Variants in FUT8 observed in about 807,000 individuals in gnomAD.
FUT8 encodes the protein alpha-(1,6)-fucosyltransferase.
Under a neutral mutation model 71.3 loss-of-function variants are expected in FUT8, and 29 were observed. That is an observed-to-expected ratio of 0.41 (90% CI 0.30 to 0.55). FUT8 has a LOEUF of 0.55. Ranked by LOEUF, FUT8 falls within the 20% of genes least tolerant of loss-of-function variation. FUT8 has a pLI of 0.34. For missense variants in FUT8, 544 were observed against 702.1 expected (o/e 0.77, Z 2.55); for synonymous variants, 254 against 239.3 (o/e 1.06, Z -0.57).
At chr14:65,537,231 TATTCTGA>T (rs1039784330) in intron 2 of FUT8, among the ~76,000 whole-genome samples, 16 of 151,958 alleles carry the variant, frequency 1.1e-4, no homozygotes, top group African/African-American at 3.9e-4. Context: ...TTCTTATCCA[TATTCTGA>T]ATTTTATTTG....
chr14:65,507,200 C>T (rs1378673065), intron 2 of FUT8, among the ~76,000 whole-genome samples: 1 of 152,302 alleles, frequency 6.6e-6, no homozygotes, highest in Non-Finnish European at 1.5e-5. Context: ...CTCTGCCTTC[C>T]TTTATTACTA....
chr14:65,425,326 C>T (rs1374906871), intron 1 of FUT8, among the ~76,000 whole-genome samples: 2 of 151,908 alleles, frequency 1.3e-5, no homozygotes, highest in Non-Finnish European at 2.9e-5. Flanking sequence ...CCACCACACC[C>T]AGCTAATTTT....
chr14:65,717,919 C>T (rs958723119), intron 7 of FUT8, among the ~76,000 whole-genome samples: 1 of 152,026 alleles, frequency 6.6e-6, no homozygotes, highest in African/African-American at 2.4e-5. Flanking sequence ...CATGAAATAT[C>T]TTTTTCCATC....
At chr14:65,557,662 A>T (rs1885666646) in intron 2 of FUT8, among the ~76,000 whole-genome samples, 1 of 151,774 alleles carries the variant, frequency 6.6e-6, no homozygotes, top group African/African-American at 2.4e-5. Flanking sequence ...AAAAAGTGAT[A>T]TCACTAATTA....
intron 2 of FUT8, among the ~76,000 whole-genome samples, chr14:65,481,034 T>G (rs2066323051): frequency 6.6e-6 from 1 of 152,152 alleles, no homozygotes. Context: ...CATACTGTTT[T>G]CCACAGTGGC....
chr14:65,613,066 A>C (rs1889089417), intron 3 of FUT8, among the ~76,000 whole-genome samples: 1 of 148,542 alleles, frequency 6.7e-6, no homozygotes, highest in Non-Finnish European at 1.5e-5. Context: ...TCACAGTTGG[A>C]TTAGATTATT....
chr14:65,608,682 A>G (rs1044621513), intron 3 of FUT8, among the ~76,000 whole-genome samples: 1 of 151,934 alleles, frequency 6.6e-6, no homozygotes, highest in East Asian at 1.9e-4. Flanking sequence ...GCATCCTTAA[A>G]GGCTTTTAAA....
At chr14:65,578,364 G>A (rs1212056091) in intron 3 of FUT8, among the ~76,000 whole-genome samples, 2 of 152,038 alleles carry the variant, frequency 1.3e-5, no homozygotes, top group East Asian at 3.8e-4. Flanking sequence ...AATACCCTGG[G>A]CTATTTCTTA....
intron 6 of FUT8, among the ~76,000 whole-genome samples, chr14:65,648,465 C>T (rs943987868): frequency 4.6e-5 from 7 of 152,132 alleles, no homozygotes; most frequent in South Asian, 2.1e-4. Flanking sequence ...GATTTTTACT[C>T]GTTAGAGCAA....
chr14:65,616,636 A>G (rs1301040371), intron 5 of FUT8, among the ~76,000 whole-genome samples: 2 of 152,236 alleles, frequency 1.3e-5, no homozygotes, highest in Non-Finnish European at 2.9e-5. Context: ...TAGTGGTGCC[A>G]GCCAACAATA....
At chr14:65,577,089 G>A (rs1886830553) in intron 3 of FUT8, among the ~76,000 whole-genome samples, 1 of 151,676 alleles carries the variant, frequency 6.6e-6, no homozygotes, top group Non-Finnish European at 1.5e-5. Context: ...GGCTCTAGCA[G>A]TCCTCCTGCC....
At chr14:65,517,092 C>G (rs943383892) in intron 2 of FUT8, among the ~76,000 whole-genome samples, 5 of 151,616 alleles carry the variant, frequency 3.3e-5, no homozygotes, top group African/African-American at 1.2e-4. Flanking sequence ...ATGTGTATAC[C>G]ACATTTTGCT....
chr14:65,514,704 T>A (rs531331241), intron 2 of FUT8, among the ~76,000 whole-genome samples: 39 of 151,702 alleles, frequency 2.6e-4, no homozygotes, highest in South Asian at 4.2e-4. Flanking sequence ...TTTTTTTTTT[T>A]AAATTTATTT....
At chr14:65,435,958 T>C (rs1481897717) in intron 1 of FUT8, among the ~76,000 whole-genome samples, 1 of 150,370 alleles carries the variant, frequency 6.7e-6, no homozygotes, top group Non-Finnish European at 1.5e-5. Context: ...AGACAGAGTC[T>C]TGCCGTGTTA....
rs572222625 is a variant in FUT8, at chr14:65,503,918, G to A, written c.-228+48200G>A. 1.4e-4 allele frequency among the ~76,000 whole-genome samples: 22 copies of A among 152,282 alleles called. No homozygotes were observed. In the South Asian group the frequency reaches 3.3e-3, roughly 23 times the overall value. On this transcript the variant is annotated intron_variant, in intron 2 of 10. Coordinates refer to ENST00000673929, the MANE Select transcript of FUT8 (RefSeq NM_001371533.1). Reference sequence around the variant, plus strand: ...TTGATTGGCATATGGAGACCTTTGCGTGAACACAAATGTTCATATTTGAAT... The same window carrying A: ...TTGATTGGCATATGGAGACCTTTGCATGAACACAAATGTTCATATTTGAAT...
chr14:65,552,128 T>TA, intron 2 of FUT8, among the ~76,000 whole-genome samples: 1 of 152,310 alleles, frequency 6.6e-6, no homozygotes, highest in South Asian at 2.1e-4. Context: ...ATTTTATGCT[T>TA]AAAAATAAAA....
the FUT8 span, among the ~76,000 whole-genome samples, chr14:65,364,455 G>A: frequency 6.6e-6 from 1 of 152,030 alleles, no homozygotes; most frequent in Admixed American, 6.6e-5. Context: ...TGCCCGCCTC[G>A]GCCTCCCAAA....
rs193193708 is a variant in FUT8 at position 65,429,771 on chromosome 14, G to A, written c.-326+16557G>A. On this transcript the variant is annotated intron_variant, in intron 1 of 10. Transcript: ENST00000673929. ...CCAGCCATTTGTGAGGCTGAGTTGG[G>A]AGGATCACTTGAGCACGGGAGGTCA... is the stretch of plus-strand genomic sequence containing the variant. Among the ~76,000 whole-genome samples the A allele has an allele frequency of 9.3e-5, 14 of 150,454 alleles. No individual in the cohort carries two copies. The East Asian group carries it at 2.6e-3, about 27-fold the overall frequency.
intron 5 of FUT8, among the ~76,000 whole-genome samples, chr14:65,620,687 C>G (rs1212489869): frequency 1.3e-5 from 2 of 151,928 alleles, no homozygotes; most frequent in Non-Finnish European, 2.9e-5. Flanking sequence ...GAGAGAGAGA[C>G]AGAGAGAGGA....
Sources: allele counts gnomAD v4.1 joint callset (sites outside exome capture counted in the v4.1 genomes callset), GRCh38; gene constraint gnomAD v4.1.1; transcripts MANE v1.5; gene names NCBI Gene and HGNC (gene_info 2026-07-23, HGNC 2026-07-21).